The following CHM variants were observed in gnomAD, a reference collection of about 807,000 sequenced individuals.
CHM encodes rab proteins geranylgeranyltransferase component A 1.
CHM carries 10 observed loss-of-function variants against 49.0 expected under a neutral mutation model. That is an observed-to-expected ratio of 0.20 (90% CI 0.13 to 0.35). The LOEUF (loss-of-function observed/expected upper bound fraction) is 0.35. CHM is among the 10% of genes least tolerant of loss of function. The probability of loss-of-function intolerance (pLI) is 1.00; values close to 1 mark genes in which losing one functional copy is unlikely to be tolerated. For missense variants in CHM, 455 were observed against 478.4 expected, an observed-to-expected ratio of 0.95 and a Z score of 0.46; for synonymous variants, 184 against 167.5, an observed-to-expected ratio of 1.10 and a Z score of -0.76.
intron 8 of CHM, among the ~76,000 whole-genome samples, chrX:85,914,615 C>T: frequency 9.0e-6 from 1 of 110,752 alleles, no homozygotes; most frequent in Admixed American, 9.7e-5. Flanking sequence ...CATCAGCGCC[C>T]ATGCACACAC....
rs76025721 is a variant in CHM at position 85,912,461 on chromosome X, C to T, written c.1167-1123G>A. On this transcript the variant is annotated intron_variant, in intron 8 of 14. Coordinates refer to ENST00000357749, the MANE Select transcript of CHM (RefSeq NM_000390.4). ...AATGATATTCGGATGGTATAACTAT[C>T]TGATTGAGATTATAAAATGGGTATG... Among the ~76,000 whole-genome samples the T allele has an allele frequency of 2.8e-3, 308 of 111,432 alleles. 2 individuals carry two copies. In the East Asian group the frequency reaches 0.053, roughly 19 times the overall value.
chrX:85,984,429 G>A (rs758577998), intron 2 of CHM, among the ~76,000 whole-genome samples: 3 of 110,936 alleles, frequency 2.7e-5, no homozygotes, highest in East Asian at 5.7e-4. Flanking sequence ...ATACCAGTAC[G>A]TAGCCACCAA....
At chrX:86,015,731 A>G (rs909000895) in intron 2 of CHM, among the ~76,000 whole-genome samples, 1 of 112,540 alleles carries the variant, frequency 8.9e-6, no homozygotes, top group Non-Finnish European at 1.9e-5. Flanking sequence ...TTTAGCAAAG[A>G]GACTGGTGGC....
At chrX:85,929,616 C>A (rs1166379571) in intron 8 of CHM, among the ~76,000 whole-genome samples, 2 of 111,991 alleles carry the variant, frequency 1.8e-5, no homozygotes, top group African/African-American at 6.5e-5. Flanking sequence ...CTAAATGAAT[C>A]CTAATTTTTA....
At chrX:85,995,260 TAAAAAAAAAAAAAAAAAAA>T (rs55742394) in intron 2 of CHM, among the ~76,000 whole-genome samples, 1 of 46,810 alleles carries the variant, frequency 2.1e-5, no homozygotes, top group Non-Finnish European at 3.6e-5. Flanking sequence ...CCTTATTACT[TAAAAAAAAAAAAAAAAAAA>T]AAAAAAAAGT....
intron 9 of CHM, among the ~76,000 whole-genome samples, chrX:85,907,290 G>C (rs1395741221): frequency 8.9e-6 from 1 of 112,127 alleles, no homozygotes; most frequent in Non-Finnish European, 1.9e-5. Context: ...AGCAGCTGAA[G>C]TAATTAATTA....
intron 1 of CHM, among the ~76,000 whole-genome samples, chrX:86,030,811 GT>G (rs1934010679): frequency 1.8e-5 from 2 of 110,530 alleles, no homozygotes; most frequent in East Asian, 5.7e-4. Flanking sequence ...TCCTGGCAAA[GT>G]TAAAGGAAGG....
chrX:86,007,223 C>T (rs774564670), intron 2 of CHM, among the ~76,000 whole-genome samples: 1 of 112,217 alleles, frequency 8.9e-6, no homozygotes, highest in Non-Finnish European at 1.9e-5. Context: ...AAAGCTGAAA[C>T]TGGATCCCTT....
chrX:85,987,970 C>T (rs1465659825), intron 2 of CHM, among the ~76,000 whole-genome samples: 1 of 111,513 alleles, frequency 9.0e-6, no homozygotes, highest in Admixed American at 9.5e-5. Context: ...TGAAACTATT[C>T]CAAAAAAATG....
At chrX:86,029,748 G>T (rs111315308) in intron 1 of CHM, among the ~76,000 whole-genome samples, 93 of 111,205 alleles carry the variant, frequency 8.4e-4, no homozygotes, top group African/African-American at 2.8e-3. Context: ...AACAGGCATG[G>T]TCTCAATCAG....
chrX:85,958,316 C>A (rs969828329), intron 6 of CHM, among the ~76,000 whole-genome samples: 2 of 99,175 alleles, frequency 2.0e-5, no homozygotes, highest in African/African-American at 7.4e-5. Context: ...AATTAATCTG[C>A]CTTTGTGAGT....
chrX:85,995,913 T>C (rs2147737462), intron 2 of CHM, among the ~76,000 whole-genome samples: 1 of 112,038 alleles, frequency 8.9e-6, no homozygotes, highest in Non-Finnish European at 1.9e-5. Context: ...GTAACACTGA[T>C]TCTTTGATAC....
chrX:85,990,437 G>A (rs189452628), intron 2 of CHM, among the ~76,000 whole-genome samples: 2 of 111,278 alleles, frequency 1.8e-5, no homozygotes, highest in Admixed American at 9.6e-5. Flanking sequence ...CCCATCACAC[G>A]AGTTTACCTA....
chrX:85,969,433 CT>C, intron 4 of CHM: 1 of 728,446 alleles, frequency 1.4e-6, no homozygotes, highest in Non-Finnish European at 1.6e-6. Flanking sequence ...ACAATAGCTA[CT>C]TTTATTTCCC....
chrX:86,022,866 T>C (rs1287157972), intron 2 of CHM, among the ~76,000 whole-genome samples: 4 of 111,167 alleles, frequency 3.6e-5, no homozygotes, highest in Non-Finnish European at 7.6e-5. Context: ...AGTCTGAACA[T>C]TCTCTTGAAT....
intron 6 of CHM, among the ~76,000 whole-genome samples, chrX:85,958,362 A>C (rs1930111701): frequency 9.0e-6 from 1 of 111,597 alleles, no homozygotes; most frequent in African/African-American, 3.3e-5. Flanking sequence ...CTTAAGAGGG[A>C]GTGTTTCCCT....
Position 86,040,055 on chromosome X carries a change from A to G in CHM, c.49+7429T>C, listed in dbSNP as rs939895194. Among the ~76,000 whole-genome samples the G allele has an allele frequency of 4.5e-5, 5 of 112,180 alleles. No homozygotes were observed. The South Asian group carries it at 1.9e-3, about 42-fold the overall frequency. Reference sequence around the variant, plus strand: ...AAGAGCTCGGGAACGATGAGTGTGGACACAAAAAGGCTGTCACACTTGCCC... The same window carrying G: ...AAGAGCTCGGGAACGATGAGTGTGGGCACAAAAAGGCTGTCACACTTGCCC... On this transcript the variant is annotated intron_variant, in intron 1 of 14. Coordinates refer to ENST00000357749, the MANE Select transcript of CHM (RefSeq NM_000390.4).
At chrX:86,003,089 A>C (rs1273376590) in intron 2 of CHM, among the ~76,000 whole-genome samples, 1 of 112,148 alleles carries the variant, frequency 8.9e-6, no homozygotes, top group Non-Finnish European at 1.9e-5. Context: ...GCTGTTGTGC[A>C]GCCTCCGCTG....
At chrX:86,013,218 T>C (rs1387605929) in intron 2 of CHM, among the ~76,000 whole-genome samples, 1 of 111,086 alleles carries the variant, frequency 9.0e-6, no homozygotes, top group Admixed American at 9.6e-5. Context: ...ATTGTCAGTG[T>C]ATCCTCATTC....
Sources: gnomAD v4.1 joint callset for allele counts (sites outside exome capture counted in the v4.1 genomes callset) on GRCh38, gnomAD v4.1.1 for gene constraint, MANE v1.5 for transcripts, NCBI Gene and HGNC (gene_info 2026-07-23, HGNC 2026-07-21) for gene names.